Variants in TMEM53 observed in about 807,000 individuals in gnomAD.
The protein encoded by TMEM53 is transmembrane protein 53.
Under a neutral mutation model 21.4 loss-of-function variants are expected in TMEM53, and 14 were observed. That is an observed-to-expected ratio of 0.65 (90% confidence interval 0.43 to 1.02). The LOEUF (loss-of-function observed/expected upper bound fraction) is 1.02, where lower values mean the gene tolerates loss of function less well. Among genes scored for constraint, TMEM53 ranks in the 50% least tolerant of loss-of-function variants. TMEM53 has a pLI of 0.00. For missense variants in TMEM53, 323 were observed against 383.6 expected, an observed-to-expected ratio of 0.84 and a Z score of 1.32; for synonymous variants, 148 against 157.4, an observed-to-expected ratio of 0.94 and a Z score of 0.45.
intron 1 of TMEM53, among the ~76,000 whole-genome samples, chr1:44,663,165 T>TA (rs1399083367): frequency 6.6e-6 from 1 of 152,274 alleles, no homozygotes; most frequent in Non-Finnish European, 1.5e-5. Context: ...GCGATCCTTC[T>TA]ACCTCTGACT....
intron 1 of TMEM53, among the ~76,000 whole-genome samples, chr1:44,665,281 G>A (rs1573228810): frequency 6.6e-6 from 1 of 152,290 alleles, no homozygotes; most frequent in Non-Finnish European, 1.5e-5. Flanking sequence ...ATAGGGAGGG[G>A]TAGAAATGAC....
chr1:44,657,722 G>A (rs1335927984), intron 2 of TMEM53, among the ~76,000 whole-genome samples: 1 of 151,350 alleles, frequency 6.6e-6, no homozygotes, highest in East Asian at 1.9e-4. Context: ...AATTTTTTTT[G>A]TGGAGATCAG....
rs112130130 is a variant in TMEM53 at position 44,663,487 on chromosome 1, C to T, written c.62-3192G>A. Among the ~76,000 whole-genome samples the T allele has an allele frequency of 2.0e-3, 310 of 152,300 alleles. 3 individuals are homozygous for T. Among genetic ancestry groups the T allele is most frequent in the African/African-American group, 7.0e-3 (289 of 41,560 alleles). ...AACTCCTGAGCTCAGGCAATCCACC[C>T]GCCTCAGCCTCCCAAAGTGCTAGAT... On this transcript the variant is annotated intron_variant, in intron 1 of 2. Transcript: ENST00000372237.
Position 44,654,831 on chromosome 1 carries a change from G to C in TMEM53, c.562C>G (p.Leu188Val), listed in dbSNP as rs746707072. The change falls in exon 3 of 3, where the codon CTT becomes GTT. Residue 188 changes from leucine to valine, a missense_variant. By Grantham distance (32) the Leu-to-Val change is conservative (BLOSUM62 1). Coordinates refer to ENST00000372237, the MANE Select transcript of TMEM53 (RefSeq NM_024587.4). The surrounding 1 kb of genome is among the most constrained non-coding windows in gnomAD (Gnocchi z 7.0). The stretch of plus-strand genomic sequence containing the variant: ...TGGAAGAGGGCTGTGATGGGAGCAA[G>C]CAGGACGTGGAACAGGACGACCACC... ...ALVVVLFHVLLAPITALFHTH... is the reference protein window; with the variant it reads ...ALVVVLFHVLVAPITALFHTH... 1 of 1,613,260 alleles carries C rather than the reference G, an allele frequency of 6.2e-7. No homozygotes were observed. The highest frequency in any genetic ancestry group is 1.3e-5 in the African/African-American group (1 of 74,910).
At position 44,674,369 on chromosome 1, in the gene TMEM53, T is replaced by C. The variant is rs1251048789; in HGVS notation, c.23A>G (p.Tyr8Cys). 6.2e-7 allele frequency: 1 copy of C among 1,612,894 alleles called. No individual in the cohort carries two copies. Among genetic ancestry groups the C allele is most frequent in the East Asian group, 2.2e-5 (1 of 44,734 alleles). The change falls in exon 1 of 3, where the codon TAC becomes TGC. Residue 8 changes from tyrosine (Y) to cysteine (C), a missense_variant. Physicochemically the swap from Tyr to Cys is radical, Grantham distance 194. This residue lies in a region of TMEM53 where 49 missense variants were observed against 32.9 expected (regional missense o/e 1.49). Coordinates refer to ENST00000372237, the MANE Select transcript of TMEM53 (RefSeq NM_024587.4). ...GGGCTGATCCGGGATCTCGATGGTG[T>C]AGTCCAGCTCTGCCGAGGCCATGGT... MASAELD[Y>C]TIEIPDQPCW...
chr1:44,660,395 A>T (rs1202629166), intron 1 of TMEM53, 100 bp from the exon 2 acceptor site: 1 of 1,481,858 alleles, frequency 6.7e-7, no homozygotes, highest in East Asian at 2.4e-5. Context: ...GCAGGCAGGG[A>T]ACAACGGGTG....
At chr1:44,665,277 A>G (rs530582087) in intron 1 of TMEM53, among the ~76,000 whole-genome samples, 1 of 152,318 alleles carries the variant, frequency 6.6e-6, no homozygotes, top group African/African-American at 2.4e-5. Context: ...ACAGATAGGG[A>G]GGGGTAGAAA....
At chr1:44,659,650 G>A (rs1272948055) in intron 2 of TMEM53, among the ~76,000 whole-genome samples, 1 of 152,188 alleles carries the variant, frequency 6.6e-6, no homozygotes, top group African/African-American at 2.4e-5. Flanking sequence ...GCCCGCAGAG[G>A]CACTGGCCAG....
At chr1:44,659,486 G>A (rs1472771811) in intron 2 of TMEM53, among the ~76,000 whole-genome samples, 1 of 152,242 alleles carries the variant, frequency 6.6e-6, no homozygotes, top group African/African-American at 2.4e-5. Flanking sequence ...TTGGTTGGAT[G>A]AGAAGAAGCG....
chr1:44,665,753 A>G (rs1644943919), intron 1 of TMEM53, among the ~76,000 whole-genome samples: 1 of 152,214 alleles, frequency 6.6e-6, no homozygotes, highest in Non-Finnish European at 1.5e-5. Context: ...ACATAAATGT[A>G]AGAGCTGAAA....
rs376872627 is a variant in TMEM53 at position 44,654,884 on chromosome 1, C to T, written c.509G>A (p.Arg170His). ...AILERRAAML[R>H]LLLLVAFALV... Reference sequence around the variant, plus strand: ...GGCAAAGGCCACCAGCAGCAACAGGCGCAGCATGGCGGCCCGGCGCTCCAG... The same window carrying T: ...GGCAAAGGCCACCAGCAGCAACAGGTGCAGCATGGCGGCCCGGCGCTCCAG... The change falls in exon 3 of 3, where the codon CGC becomes CAC. Residue 170 changes from arginine (R) to histidine (H), a missense_variant. By Grantham distance (29) the Arg-to-His change is conservative. Around this residue, in one of 3 missense-constraint regions of TMEM53, gnomAD observed 269 missense variants for 334.5 expected, o/e 0.80. Transcript: ENST00000372237. The surrounding 1 kb of genome is among the most constrained non-coding windows in gnomAD (Gnocchi z 7.0). 6.8e-6 allele frequency: 11 copies of T among 1,612,352 alleles called. No individual in the cohort carries two copies. The highest frequency in any genetic ancestry group is 3.3e-5 in the Admixed American group (2 of 59,986).
chr1:44,657,011 C>CAA (rs374390057), intron 2 of TMEM53, among the ~76,000 whole-genome samples: 288 of 141,632 alleles, frequency 2.0e-3, no homozygotes, highest in Admixed American at 4.1e-3. Context: ...GACTCTCTCT[C>CAA]AAAAAAAAAA....
At position 44,674,296 on chromosome 1, in the gene TMEM53, C is replaced by T. The variant is rs769740634; in HGVS notation, c.61+35G>A. On this transcript the variant is annotated intron_variant, in intron 1 of 2. Coordinates refer to ENST00000372237, the MANE Select transcript of TMEM53 (RefSeq NM_024587.4). ...CGCAACCCACAGGTTCATGAGGTCA[C>T]CTCCCCGCGCCTGGACCCAACCCTC... 8 of 1,588,222 alleles carry T rather than the reference C, an allele frequency of 5.0e-6. No homozygotes were observed. The Admixed American group carries it at 7.3e-5, about 15-fold the overall frequency.
rs754777260 is a variant in TMEM53, at chr1:44,655,004, C to T, written c.389G>A (p.Arg130His). 8 of 1,613,774 alleles carry T rather than the reference C, an allele frequency of 5.0e-6. No homozygotes were observed. Among genetic ancestry groups the T allele is most frequent in the South Asian group, 1.1e-5 (1 of 91,062 alleles). ...YRYVLELLQTRRFCRLRVVGT... is the reference protein window; with the variant it reads ...YRYVLELLQTHRFCRLRVVGT... ...CACCACACGCAGGCGGCAGAAGCGACGGGTCTGCAGGAGCTCCAGCACGTA... is the reference window on the plus strand; with the variant it reads ...CACCACACGCAGGCGGCAGAAGCGATGGGTCTGCAGGAGCTCCAGCACGTA... Residue 130 changes from arginine to histidine, a missense_variant, in exon 3 of 3, where the codon CGT becomes CAT. By Grantham distance (29) the Arg-to-His change is conservative (BLOSUM62 0). Coordinates refer to ENST00000372237, the MANE Select transcript of TMEM53 (RefSeq NM_024587.4). The surrounding 1 kb of genome is among the most constrained non-coding windows in gnomAD (Gnocchi z 4.4).
At chr1:44,663,855 A>G (rs1393353142) in intron 1 of TMEM53, among the ~76,000 whole-genome samples, 1 of 152,254 alleles carries the variant, frequency 6.6e-6, no homozygotes, top group Non-Finnish European at 1.5e-5. Context: ...GTCAGGCACT[A>G]TTGTAAGCAT....
At chr1:44,670,242 C>G (rs1232371520) in intron 1 of TMEM53, among the ~76,000 whole-genome samples, 1 of 147,948 alleles carries the variant, frequency 6.8e-6, no homozygotes, top group Non-Finnish European at 1.5e-5. Flanking sequence ...CTCTCTTCAC[C>G]TGGGTCTTTG....
At chr1:44,672,338 C>T (rs1234734030) in intron 1 of TMEM53, among the ~76,000 whole-genome samples, 1 of 152,230 alleles carries the variant, frequency 6.6e-6, no homozygotes, top group East Asian at 1.9e-4. Context: ...TCGTTCCCAC[C>T]ACAATGCTCT....
At chr1:44,674,236 C>T (rs1356079607) in intron 1 of TMEM53, 95 bp downstream of exon 1, 3 of 1,489,066 alleles carry the variant, frequency 2.0e-6, no homozygotes, top group African/African-American at 1.4e-5. Flanking sequence ...CGAGGGAGGG[C>T]GGGGCCGCAT....
rs1338058932 is a variant in TMEM53, at chr1:44,655,803, C to CT, written c.184-595dup. Among the ~76,000 whole-genome samples the CT allele has an allele frequency of 6.6e-6, 1 of 152,166 alleles. No homozygotes were observed. Among genetic ancestry groups the CT allele is most frequent in the African/African-American group, 2.4e-5 (1 of 41,426 alleles). On this transcript the variant is annotated intron_variant, in intron 2 of 2. Transcript: ENST00000372237. The surrounding 1 kb of genome is among the most constrained non-coding windows in gnomAD (Gnocchi z 4.4). ...GTCACCTTCCCTCTCTCCCAGGCTCCTAAAAACAGAGTCCATACTCTCTGG... is the reference window on the plus strand; with the variant it reads ...GTCACCTTCCCTCTCTCCCAGGCTCCTTAAAAACAGAGTCCATACTCTCTGG...
Sources: allele counts gnomAD v4.1 joint callset (sites outside exome capture counted in the v4.1 genomes callset), GRCh38; gene constraint gnomAD v4.1.1; regional missense constraint gnomAD v4.1.1; non-coding constraint Gnocchi (gnomAD v3.1); transcripts MANE v1.5; gene names NCBI Gene and HGNC (gene_info 2026-07-23, HGNC 2026-07-21).